MACROD1: variants seen among roughly 807,000 people sequenced by gnomAD.
MACROD1 encodes the protein ADP-ribose glycohydrolase MACROD1.
A neutral mutation model predicts 41.4 loss-of-function variants in MACROD1; 31 were observed. The ratio of observed to expected loss-of-function variants is 0.75; its 90% CI spans 0.56 to 1.01. The LOEUF (loss-of-function observed/expected upper bound fraction) is 1.01. MACROD1 is among the 50% of genes least tolerant of loss of function. The pLI, the probability that MACROD1 is intolerant of heterozygous loss-of-function variation, is 0.00. For synonymous variants in MACROD1, 252 were observed against 203.4 expected (o/e 1.24, Z -2.03); for missense variants, 473 against 460.0 (o/e 1.03, Z -0.26).
intron 3 of MACROD1, among the ~76,000 whole-genome samples, chr11:64,054,235 C>T (rs981709999): frequency 6.6e-6 from 1 of 152,156 alleles, no homozygotes; most frequent in African/African-American, 2.4e-5. Context: ...AGAGGACAGA[C>T]CATAGCCTGC....
chr11:64,121,352 A>G (rs1457927077), intron 3 of MACROD1, among the ~76,000 whole-genome samples: 1 of 152,200 alleles, frequency 6.6e-6, no homozygotes, highest in Non-Finnish European at 1.5e-5. Context: ...TCACCCACCC[A>G]CTGGCGCTCT....
At chr11:64,125,001 G>C (rs1327353732) in intron 3 of MACROD1, among the ~76,000 whole-genome samples, 8 of 152,066 alleles carry the variant, frequency 5.3e-5, no homozygotes, top group Admixed American at 5.2e-4. Context: ...TTTTCTCCAC[G>C]TCTCCCCCGG....
intron 3 of MACROD1, among the ~76,000 whole-genome samples, chr11:64,077,273 C>A (rs749134114): frequency 1.3e-5 from 2 of 152,184 alleles, no homozygotes; most frequent in African/African-American, 2.4e-5. Context: ...GTACCCCAGG[C>A]GGCCAGCTGG....
chr11:64,007,720 G>A (rs745561141), intron 4 of MACROD1, among the ~76,000 whole-genome samples: 5 of 152,112 alleles, frequency 3.3e-5, no homozygotes, highest in African/African-American at 9.6e-5. Flanking sequence ...CTCCCCCCTC[G>A]CCCTTTGCCA....
At chr11:64,002,375 G>C (rs1942840818) in intron 4 of MACROD1, among the ~76,000 whole-genome samples, 1 of 152,210 alleles carries the variant, frequency 6.6e-6, no homozygotes, top group Admixed American at 6.5e-5. Context: ...CTTTGGGGCT[G>C]ACCTGGGGGC....
chr11:64,154,371 G>GT (rs1945633911), intron 1 of MACROD1, among the ~76,000 whole-genome samples: 1 of 151,772 alleles, frequency 6.6e-6, no homozygotes, highest in African/African-American at 2.4e-5. Flanking sequence ...ATTGATCCCC[G>GT]TGACACCCTA....
At chr11:64,037,655 G>C (rs1047838448) in intron 3 of MACROD1, among the ~76,000 whole-genome samples, 28 of 152,144 alleles carry the variant, frequency 1.8e-4, no homozygotes, top group African/African-American at 6.3e-4. Context: ...GGGTGTGTGT[G>C]TGTGTGCGCA....
chr11:64,156,965 C>A (rs1376886834), intron 1 of MACROD1, among the ~76,000 whole-genome samples: 2 of 152,384 alleles, frequency 1.3e-5, no homozygotes, highest in East Asian at 3.9e-4. Flanking sequence ...AAAAGGCCAA[C>A]TGCGCCCATT....
intron 3 of MACROD1, among the ~76,000 whole-genome samples, chr11:64,028,086 T>C (rs1204332001): frequency 3.9e-5 from 6 of 152,076 alleles, no homozygotes; most frequent in Admixed American, 3.9e-4. Flanking sequence ...TGCCCAGGAC[T>C]CTCAGGATGC....
At chr11:64,150,841 T>C (rs968423787) in intron 3 of MACROD1, among the ~76,000 whole-genome samples, 1 of 151,964 alleles carries the variant, frequency 6.6e-6, no homozygotes, top group African/African-American at 2.4e-5. Context: ...CTCGACAAGC[T>C]CCCTCACCCG....
chr11:64,026,833 C>A (rs1339459294), intron 3 of MACROD1, among the ~76,000 whole-genome samples: 1 of 152,188 alleles, frequency 6.6e-6, no homozygotes, highest in Non-Finnish European at 1.5e-5. Context: ...CCAAGCTGAG[C>A]TCCTTCTTAT....
intron 3 of MACROD1, among the ~76,000 whole-genome samples, chr11:64,075,172 G>A (rs1012535371): frequency 7.2e-5 from 11 of 152,214 alleles, no homozygotes; most frequent in African/African-American, 2.7e-4. Flanking sequence ...ACAGGGCAGC[G>A]CATGAGGGTC....
At chr11:64,129,533 T>G (rs1207501063) in intron 3 of MACROD1, among the ~76,000 whole-genome samples, 2 of 151,346 alleles carry the variant, frequency 1.3e-5, no homozygotes, top group Non-Finnish European at 2.9e-5. Flanking sequence ...TCCTGGGGGG[T>G]TTCTCCCGCA....
intron 3 of MACROD1, among the ~76,000 whole-genome samples, chr11:64,043,258 C>T (rs1590829621): frequency 6.6e-6 from 1 of 152,302 alleles, no homozygotes; most frequent in East Asian, 1.9e-4. Context: ...CAGACACGTG[C>T]TGGGATAATC....
At chr11:64,105,125 A>AGATGCCC (rs1281368739) in intron 3 of MACROD1, among the ~76,000 whole-genome samples, 2 of 152,248 alleles carry the variant, frequency 1.3e-5, no homozygotes, top group Non-Finnish European at 2.9e-5. Flanking sequence ...CCGGTGTGAA[A>AGATGCCC]GATGCCCTGC....
At chr11:64,136,221 C>A (rs1211996067) in intron 3 of MACROD1, among the ~76,000 whole-genome samples, 1 of 152,256 alleles carries the variant, frequency 6.6e-6, no homozygotes, top group Admixed American at 6.5e-5. Context: ...AGAACAACAC[C>A]TAGAGTGGTC....
chr11:64,072,465 G>A (rs1356631957), intron 3 of MACROD1, among the ~76,000 whole-genome samples: 3 of 152,090 alleles, frequency 2.0e-5, no homozygotes, highest in Admixed American at 2.0e-4. Flanking sequence ...GGATAAATAT[G>A]AAACGTACAT....
intron 3 of MACROD1, among the ~76,000 whole-genome samples, chr11:64,142,054 T>A (rs1945421070): frequency 6.6e-6 from 1 of 152,052 alleles, no homozygotes; most frequent in Non-Finnish European, 1.5e-5. Flanking sequence ...AGGAACCTCA[T>A]AAGGACCTAG....
intron 1 of MACROD1, 37 bp downstream of exon 1, chr11:64,165,660 C>A: frequency 7.4e-7 from 1 of 1,355,832 alleles, no homozygotes; most frequent in South Asian, 2.0e-5. Context: ...CACGTGAGGC[C>A]GCCCTCTCCC....
Sources: allele counts gnomAD v4.1 joint callset (sites outside exome capture counted in the v4.1 genomes callset), GRCh38; gene constraint gnomAD v4.1.1; transcripts MANE v1.5; gene names NCBI Gene and HGNC (gene_info 2026-07-23, HGNC 2026-07-21).